The following CPM variants were observed in gnomAD, a reference collection of about 807,000 sequenced individuals.
CPM encodes the protein carboxypeptidase M.
In CPM, 35 loss-of-function variants were observed where a neutral mutation model predicts 46.4. The observed-to-expected ratio is 0.75, with a 90% CI of 0.58 to 1.00. The LOEUF (loss-of-function observed/expected upper bound fraction) is 1.00, where lower values mean the gene tolerates loss of function less well. Ranked by LOEUF, CPM falls within the 50% of genes least tolerant of loss-of-function variation. The pLI, the probability that CPM is intolerant of heterozygous loss-of-function variation, is 0.00. For missense variants in CPM, 422 were observed against 530.4 expected (o/e 0.80, Z 2.01); for synonymous variants, 195 against 195.3 (o/e 1.00, Z 0.01).
chr12:68,898,917 C>T (rs1779941648), intron 2 of CPM, among the ~76,000 whole-genome samples: 1 of 152,164 alleles, frequency 6.6e-6, no homozygotes, highest in Non-Finnish European at 1.5e-5. Flanking sequence ...GTGCCAGAAA[C>T]ATTGTAAGCA....
intron 3 of CPM, among the ~76,000 whole-genome samples, chr12:68,872,883 G>A (rs1034376562): frequency 6.6e-6 from 1 of 151,992 alleles, no homozygotes; most frequent in African/African-American, 2.4e-5. Flanking sequence ...GTTAAAAGCT[G>A]TCATATCCAC....
intron 1 of CPM, among the ~76,000 whole-genome samples, chr12:68,943,334 GAACA>G (rs1276097954): frequency 6.6e-6 from 1 of 152,086 alleles, no homozygotes; most frequent in Non-Finnish European, 1.5e-5. Flanking sequence ...AAAGAGTTTA[GAACA>G]AACAGTGTCT....
chr12:68,892,994 A>T (rs1167383928), intron 2 of CPM, among the ~76,000 whole-genome samples: 1 of 152,098 alleles, frequency 6.6e-6, no homozygotes, highest in East Asian at 1.9e-4. Context: ...GAGGGAGAGC[A>T]TTAGGACAAA....
chr12:68,906,456 C>G (rs1887352067), intron 2 of CPM, among the ~76,000 whole-genome samples: 2 of 151,862 alleles, frequency 1.3e-5, no homozygotes, highest in African/African-American at 2.4e-5. Context: ...ATACAATATG[C>G]AGAGAAAGCT....
intron 2 of CPM, among the ~76,000 whole-genome samples, chr12:68,906,917 C>T (rs745393964): frequency 4.6e-5 from 7 of 152,190 alleles, no homozygotes; most frequent in Non-Finnish European, 1.0e-4. Context: ...CATAGTATTC[C>T]GTCAGGGAAT....
intron 2 of CPM, among the ~76,000 whole-genome samples, chr12:68,929,419 C>T (rs1888411735): frequency 6.6e-6 from 1 of 152,124 alleles, no homozygotes; most frequent in Admixed American, 6.5e-5. Flanking sequence ...GAGGATTGAA[C>T]GAACGAACTG....
At chr12:68,914,847 A>T (rs574678290) in intron 2 of CPM, among the ~76,000 whole-genome samples, 4 of 152,252 alleles carry the variant, frequency 2.6e-5, no homozygotes, top group African/African-American at 9.6e-5. Context: ...TTGAATTCCC[A>T]GCTCTGCTCC....
chr12:68,887,804 C>A (rs1886498018), intron 2 of CPM, among the ~76,000 whole-genome samples: 1 of 152,046 alleles, frequency 6.6e-6, no homozygotes, highest in Admixed American at 6.6e-5. Flanking sequence ...AAATTTTTTC[C>A]AAGGAGGGGG....
intron 1 of CPM, among the ~76,000 whole-genome samples, chr12:68,962,083 T>C (rs61926323): frequency 0.056 from 8,490 of 151,430 alleles, 302 homozygotes; most frequent in Middle Eastern, 0.11. Flanking sequence ...GCCTGTAGTC[T>C]CAGCTACTCA....
rs57330829 is a variant in CPM, at chr12:68,855,743, G to GTT, written c.*692_*693dup. 1.8e-3 allele frequency: 259 copies of GTT among 140,536 alleles called. 1 individual carries two copies. The highest frequency in any genetic ancestry group is 5.7e-3 in the African/African-American group (219 of 38,742). The allele number at this position is 140,536 out of a possible 1,614,324, so 8.7% of individuals were successfully genotyped here. On this transcript the variant is annotated 3_prime_UTR_variant, in exon 9 of 9. Transcript: ENST00000551568. ...GTGTTTTTTTTGTTTGTTTGTTTTT[G>GTT]TTTTTTTTTTTTTGAGACAGAGTCT... is the stretch of plus-strand genomic sequence containing the variant.
upstream of CPM, among the ~76,000 whole-genome samples, chr12:68,933,989 G>T (rs1268895235): frequency 6.6e-6 from 1 of 152,132 alleles, no homozygotes; most frequent in Non-Finnish European, 1.5e-5. Flanking sequence ...AGGATGGCAT[G>T]GTCTCTGCAC....
chr12:68,911,882 G>A (rs1887609130), intron 2 of CPM: 1 of 152,194 alleles, frequency 6.6e-6, no homozygotes, highest in Middle Eastern at 3.4e-3. Context: ...TGTGTTCTTC[G>A]GGCTCTGTGT....
intron 6 of CPM, among the ~76,000 whole-genome samples, chr12:68,868,873 G>T (rs1161201123): frequency 6.6e-6 from 1 of 152,164 alleles, no homozygotes; most frequent in Non-Finnish European, 1.5e-5. Flanking sequence ...GTCCCTGTTA[G>T]ATGGGATGTA....
upstream of CPM, among the ~76,000 whole-genome samples, chr12:68,935,034 C>T (rs906598710): frequency 6.6e-6 from 1 of 151,940 alleles, no homozygotes; most frequent in Non-Finnish European, 1.5e-5. Flanking sequence ...CTCAGCCTAC[C>T]GAGTAGCTCG....
Position 68,871,804 on chromosome 12 carries a change from G to T in CPM, c.411C>A (p.Asp137Glu). The change falls in exon 4 of 9, where the codon GAC becomes GAA. Residue 137 changes from aspartate to glutamate, a missense_variant. By Grantham distance (45) the Asp-to-Glu change is conservative. Coordinates refer to ENST00000551568, the MANE Select transcript of CPM (RefSeq NM_198320.5). ...TTTACCTTCCGATGCTGTAATAACA[G>T]TCAGGCTTTTTGACGGCTTCAAATC... ...PDGFEAVKKP[D>E]CYYSIGRENY... 1 of 1,614,174 alleles carries T rather than the reference G, an allele frequency of 6.2e-7. No homozygotes were observed. Among genetic ancestry groups the T allele is most frequent in the Non-Finnish European group, 8.5e-7 (1 of 1,180,026 alleles).
chr12:68,847,214 T>TATATATATATATATATATATATATATG (rs1884378595), downstream of CPM: 1 of 52,582 alleles, frequency 1.9e-5, no homozygotes, highest in Non-Finnish European at 3.9e-5. Flanking sequence ...ATATATATAC[T>TATATATATATATATATATATATATATG]TTTTTTAGAG....
rs375931100 is a variant in CPM, at chr12:68,962,123, C to G, written c.-4+1046G>C. 5.1e-4 allele frequency among the ~76,000 whole-genome samples: 76 copies of G among 150,342 alleles called. 2 individuals carry two copies. In the South Asian group the frequency reaches 0.014, roughly 29 times the overall value. ...GCTGAGGCAGGAGAATGGCGTGAAC[C>G]TGGGAGGCGGAGCTTGCAGTGAGCC... On this transcript the variant is annotated intron_variant, in intron 1 of 8. Transcript: ENST00000546373.
At chr12:68,956,078 C>T (rs1360262176) in intron 1 of CPM, among the ~76,000 whole-genome samples, 1 of 152,164 alleles carries the variant, frequency 6.6e-6, no homozygotes, top group Non-Finnish European at 1.5e-5. Flanking sequence ...GGGGCTCCTG[C>T]AGGCCTACAC....
At chr12:68,961,768 A>AAAC (rs968965949) in intron 1 of CPM, among the ~76,000 whole-genome samples, 7 of 151,578 alleles carry the variant, frequency 4.6e-5, no homozygotes, top group Non-Finnish European at 8.8e-5. Context: ...ACAAACAGAC[A>AAAC]AACAACAACA....
Sources: allele counts gnomAD v4.1 joint callset (sites outside exome capture counted in the v4.1 genomes callset), GRCh38; gene constraint gnomAD v4.1.1; transcripts MANE v1.5; gene names NCBI Gene and HGNC (gene_info 2026-07-23, HGNC 2026-07-21).